NCOR1: variants seen among roughly 807,000 people sequenced by gnomAD.
The protein encoded by NCOR1 is nuclear receptor corepressor 1.
Under a neutral mutation model 288.1 loss-of-function variants are expected in NCOR1, and 63 were observed. The observed-to-expected ratio is 0.22, with a 90% CI of 0.18 to 0.27. The LOEUF (loss-of-function observed/expected upper bound fraction) is 0.27. NCOR1 is among the 10% of genes least tolerant of loss of function. NCOR1 has a pLI of 1.00. For missense variants in NCOR1, 2,397 were observed against 3,019.2 expected, an observed-to-expected ratio of 0.79 and a Z score of 4.83; for synonymous variants, 1,007 against 1,065.9, an observed-to-expected ratio of 0.94 and a Z score of 1.08.
intron 19 of NCOR1, 140 bp downstream of exon 19, chr17:16,108,646 T>C: frequency 1.8e-6 from 1 of 557,358 alleles, no homozygotes; most frequent in Admixed American, 3.7e-5. Context: ...AAAAACATTA[T>C]GTTCAAGTTT....
chr17:16,101,301 C>A lies in NCOR1; in HGVS notation c.2639G>T (p.Ser880Ile). The change falls in exon 20 of 46, where the codon AGT (serine) becomes ATT (isoleucine). Residue 880 changes from serine to isoleucine, a missense_variant. By Grantham distance (142) the Ser-to-Ile change is moderately radical (BLOSUM62 -2). Coordinates refer to ENST00000268712, the MANE Select transcript of NCOR1 (RefSeq NM_006311.4). ...ATCCTCATCAGCGCTGCACGTGGCA[C>A]TGGAATCATTGTCTGACTGGGGCTC... ...RPEPQSDNDSSATCSADEDVD... is the reference protein window; with the variant it reads ...RPEPQSDNDSIATCSADEDVD... The A allele has an allele frequency of 6.2e-7, 1 of 1,613,362 alleles. No homozygotes were observed. Among genetic ancestry groups the A allele is most frequent in the Non-Finnish European group, 8.5e-7 (1 of 1,179,596 alleles).
chr17:16,101,906 C>T, intron 19 of NCOR1, 149 bp from the exon 20 acceptor site: 1 of 953,544 alleles, frequency 1.0e-6, no homozygotes, highest in Admixed American at 2.7e-5. Flanking sequence ...AATTCTACTC[C>T]TTTGATGACC....
chr17:16,205,641 AAG>A (rs1386516770), intron 1 of NCOR1, among the ~76,000 whole-genome samples: 5 of 88,578 alleles, frequency 5.6e-5, no homozygotes, highest in South Asian at 3.0e-4. Flanking sequence ...AAAAGAAAAG[AAG>A]AAAAAAAAAA....
At chr17:16,047,239 T>C (rs765796575) in intron 41 of NCOR1, 146 bp from the exon 42 acceptor site, 2 of 756,292 alleles carry the variant, frequency 2.6e-6, no homozygotes, top group Non-Finnish European at 4.1e-6. Flanking sequence ...AGAAACAGTA[T>C]GTAATCATAA....
chr17:16,167,332 C>A (rs2082202065), intron 4 of NCOR1, among the ~76,000 whole-genome samples: 1 of 151,648 alleles, frequency 6.6e-6, no homozygotes, highest in African/African-American at 2.4e-5. Flanking sequence ...CTTGAAACAG[C>A]CAGATACCAA....
At chr17:16,166,504 C>G (rs1363431279) in intron 4 of NCOR1, among the ~76,000 whole-genome samples, 1 of 152,024 alleles carries the variant, frequency 6.6e-6, no homozygotes, top group Admixed American at 6.6e-5. Flanking sequence ...CATGGTGAAA[C>G]CCCGTCTCTA....
intron 10 of NCOR1, among the ~76,000 whole-genome samples, chr17:16,144,045 G>T (rs1208215998): frequency 6.6e-6 from 1 of 152,102 alleles, no homozygotes; most frequent in Admixed American, 6.5e-5. Flanking sequence ...TTTTTAAAAG[G>T]AGAGAAAAAA....
intron 21 of NCOR1, among the ~76,000 whole-genome samples, chr17:16,092,384 G>A (rs2065311799): frequency 6.6e-6 from 1 of 151,778 alleles, no homozygotes; most frequent in African/African-American, 2.4e-5. Flanking sequence ...CTACTCGGGA[G>A]GCTGACACAT....
intron 10 of NCOR1, 139 bp downstream of exon 10, chr17:16,146,237 T>C (rs2077982557): frequency 1.4e-6 from 1 of 704,838 alleles, no homozygotes. Context: ...CCCTCCACTA[T>C]TGTCCTATGA....
chr17:16,049,778 G>T (rs1263866728), intron 40 of NCOR1, among the ~76,000 whole-genome samples: 1 of 151,988 alleles, frequency 6.6e-6, no homozygotes, highest in African/African-American at 2.4e-5. Flanking sequence ...GTAGAGACGG[G>T]GTTTCACCAT....
At chr17:16,094,043 G>C (rs1010075477) in intron 21 of NCOR1, among the ~76,000 whole-genome samples, 3 of 151,904 alleles carry the variant, frequency 2.0e-5, no homozygotes, top group African/African-American at 4.8e-5. Context: ...AACCACAGGC[G>C]CATGGCACCA....
intron 18 of NCOR1, among the ~76,000 whole-genome samples, chr17:16,109,753 G>C (rs143153496): frequency 1.6e-5 from 1 of 61,510 alleles, no homozygotes; most frequent in Non-Finnish European, 3.4e-5. Flanking sequence ...TTTCTTTTTT[G>C]AGACAGAATC....
intron 45 of NCOR1, 21 bp from the exon 46 acceptor site, chr17:16,032,504 T>A: frequency 8.3e-6 from 13 of 1,561,004 alleles, no homozygotes; most frequent in Non-Finnish European, 1.1e-5. Flanking sequence ...AAAAATTAGG[T>A]TTTCATTGTC....
At chr17:16,068,216 C>A (rs1256483047) in intron 31 of NCOR1, 95 bp from the exon 32 acceptor site, 1 of 1,003,676 alleles carries the variant, frequency 1.0e-6, no homozygotes, top group Non-Finnish European at 1.5e-6. Flanking sequence ...AGACTATATT[C>A]ATGTATTTGG....
chr17:16,074,670 C>G (rs981473618), intron 27 of NCOR1, among the ~76,000 whole-genome samples: 3 of 151,088 alleles, frequency 2.0e-5, no homozygotes, highest in African/African-American at 7.4e-5. Flanking sequence ...GTCACAGAGT[C>G]AGGTGCAAAT....
At chr17:16,106,392 C>T (rs2068630059) in intron 19 of NCOR1, among the ~76,000 whole-genome samples, 1 of 151,904 alleles carries the variant, frequency 6.6e-6, no homozygotes, top group Non-Finnish European at 1.5e-5. Flanking sequence ...TAATGTTTCA[C>T]CAAGCAGTAG....
Position 16,058,518 on chromosome 17 carries a change from T to G in NCOR1, c.5963A>C (p.Lys1988Thr). Residue 1988 changes from lysine to threonine, a missense_variant, in exon 38 of 46, where the codon AAA becomes ACA. This residue lies in a region of NCOR1 where 1,872 missense variants were observed against 2,187.8 expected (regional missense o/e 0.86). Transcript: ENST00000268712. ...PASSPAPPQE[K>T]LQTYQPEVVK... ...AACCTCTGGCTGATAGGTCTGCAGT[T>G]TCTCCTGGGGTGGCGCAGGTGAGCT... 1 of 1,614,138 alleles carries G rather than the reference T, an allele frequency of 6.2e-7. No individual in the cohort carries two copies. Among genetic ancestry groups the G allele is most frequent in the Non-Finnish European group, 8.5e-7 (1 of 1,179,984 alleles).
Position 16,057,934 on chromosome 17 carries a change from C to T in NCOR1, c.6141G>A (p.Arg2047=), listed in dbSNP as rs2060118066. The change falls in exon 39 of 46, where the codon CGG becomes CGA. Residue 2047 remains arginine (R), a synonymous_variant. Coordinates refer to ENST00000268712, the MANE Select transcript of NCOR1 (RefSeq NM_006311.4). ...EGMGQVPRTH[R]LITLADHICQ... ...AGATGTGATCAGCAAGTGTGATCAG[C>T]CGATGGGTCCTGGGCACTTGCCCCA... The T allele has an allele frequency of 6.2e-7, 1 of 1,612,652 alleles. No homozygotes were observed. Among genetic ancestry groups the T allele is most frequent in the Admixed American group, 1.7e-5 (1 of 59,924 alleles).
At chr17:16,097,363 G>A (rs1341372485) in intron 21 of NCOR1, among the ~76,000 whole-genome samples, 1 of 152,216 alleles carries the variant, frequency 6.6e-6, no homozygotes, top group East Asian at 1.9e-4. Context: ...TGGGAGTACT[G>A]TTGGGCACCA....
Sources: allele counts gnomAD v4.1 joint callset (sites outside exome capture counted in the v4.1 genomes callset), GRCh38; gene constraint gnomAD v4.1.1; regional missense constraint gnomAD v4.1.1; transcripts MANE v1.5; gene names NCBI Gene and HGNC (gene_info 2026-07-23, HGNC 2026-07-21).